The following CNOT4 variants were observed in gnomAD, a reference collection of about 807,000 sequenced individuals.
CNOT4 encodes the protein CCR4-associated factor 4.
Under a neutral mutation model 73.8 loss-of-function variants are expected in CNOT4, and 8 were observed. The observed-to-expected ratio is 0.11, with a 90% CI of 0.06 to 0.20. The LOEUF is 0.20. Among genes scored for constraint, CNOT4 ranks in the 10% least tolerant of loss-of-function variants. The pLI, the probability that CNOT4 is intolerant of heterozygous loss-of-function variation, is 1.00. For synonymous variants in CNOT4, 293 were observed against 321.1 expected (o/e 0.91, Z 0.94); for missense variants, 564 against 883.4 (o/e 0.64, Z 4.58).
intron 10 of CNOT4, among the ~76,000 whole-genome samples, chr7:135,369,224 T>TA (rs1795065176): frequency 6.6e-6 from 1 of 152,218 alleles, no homozygotes. Context: ...CATAGTGAGA[T>TA]AAAACACATG....
intron 1 of CNOT4, among the ~76,000 whole-genome samples, chr7:135,482,619 A>G (rs1020486909): frequency 8.6e-5 from 13 of 151,994 alleles, no homozygotes; most frequent in Non-Finnish European, 1.8e-4. Flanking sequence ...AGATATCACA[A>G]AAAAAGGAAA....
intron 10 of CNOT4, among the ~76,000 whole-genome samples, chr7:135,375,690 C>T (rs143656324): frequency 0.019 from 2,914 of 152,126 alleles, 96 homozygotes; most frequent in African/African-American, 0.066. Context: ...TTTGGGAGGC[C>T]GAGGCGGGAG....
chr7:135,452,885 G>A (rs1234805238), intron 1 of CNOT4, among the ~76,000 whole-genome samples: 1 of 152,114 alleles, frequency 6.6e-6, no homozygotes, highest in Non-Finnish European at 1.5e-5. Flanking sequence ...GTTATTAATA[G>A]GTAAAATCAA....
rs552603523 is a variant in CNOT4 at position 135,494,855 on chromosome 7, C to T, written c.-93+15034G>A. 2.6e-5 allele frequency among the ~76,000 whole-genome samples: 4 copies of T among 152,268 alleles called. No individual in the cohort carries two copies. The East Asian group carries it at 5.8e-4, about 22-fold the overall frequency. ...CTAAGACCTTTCCATTTAGTTTTTG[C>T]CACTAGTTTGCATTATTAAATTCTT... On this transcript the variant is annotated intron_variant, in intron 1 of 11. Coordinates refer to ENST00000541284, the MANE Select transcript of CNOT4 (RefSeq NM_001190850.2).
At chr7:135,471,733 A>G (rs893687392) in intron 1 of CNOT4, among the ~76,000 whole-genome samples, 2 of 152,210 alleles carry the variant, frequency 1.3e-5, no homozygotes, top group East Asian at 1.9e-4. Context: ...TGTATATACA[A>G]TGACTTGTAT....
intron 2 of CNOT4, among the ~76,000 whole-genome samples, chr7:135,432,985 A>G (rs1405719146): frequency 6.6e-6 from 1 of 152,214 alleles, no homozygotes; most frequent in African/African-American, 2.4e-5. Context: ...TTTCCAAATA[A>G]AAAAGTTTGT....
chr7:135,405,032 T>G (rs897927522), intron 7 of CNOT4, among the ~76,000 whole-genome samples: 4 of 152,162 alleles, frequency 2.6e-5, no homozygotes, highest in African/African-American at 9.7e-5. Flanking sequence ...TCTTAAGAAT[T>G]TTACCTCTTC....
intron 8 of CNOT4, among the ~76,000 whole-genome samples, chr7:135,396,105 C>T (rs1219606597): frequency 1.6e-5 from 2 of 121,876 alleles, no homozygotes; most frequent in African/African-American, 3.1e-5. Flanking sequence ...AAACTAGTCT[C>T]CCTTTTTTTT....
intron 10 of CNOT4, among the ~76,000 whole-genome samples, chr7:135,376,726 G>A (rs1795541014): frequency 6.6e-6 from 1 of 152,142 alleles, no homozygotes; most frequent in Non-Finnish European, 1.5e-5. Flanking sequence ...AGATCAGTCA[G>A]TCTTATCTTT....
intron 1 of CNOT4, among the ~76,000 whole-genome samples, chr7:135,455,414 TC>T (rs1395347957): frequency 6.6e-6 from 1 of 152,144 alleles, no homozygotes; most frequent in East Asian, 1.9e-4. Context: ...GTTTTACTAA[TC>T]TTGAAATTGC....
intron 10 of CNOT4, among the ~76,000 whole-genome samples, chr7:135,382,784 T>G (rs984232961): frequency 5.9e-5 from 9 of 152,192 alleles, no homozygotes; most frequent in Non-Finnish European, 1.0e-4. Flanking sequence ...AGAGATTATT[T>G]AAAATATACG....
intron 2 of CNOT4, among the ~76,000 whole-genome samples, chr7:135,424,069 ACACACACACACACACACACAC>A: frequency 6.6e-6 from 1 of 151,316 alleles, no homozygotes; most frequent in East Asian, 1.9e-4. Flanking sequence ...ACACACACAC[ACACACACACACACACACACAC>A]ATTTTTTATT....
chr7:135,480,906 T>C (rs866961523), intron 1 of CNOT4, among the ~76,000 whole-genome samples: 1 of 101,100 alleles, frequency 9.9e-6, no homozygotes, highest in Non-Finnish European at 2.1e-5. Flanking sequence ...AAAAAAAAAA[T>C]GAAACTGGAT....
chr7:135,422,724 T>G (rs1798259992), intron 2 of CNOT4, among the ~76,000 whole-genome samples: 2 of 152,094 alleles, frequency 1.3e-5, no homozygotes, highest in Non-Finnish European at 2.9e-5. Context: ...TAAATGTGGG[T>G]TTTACACATT....
intron 10 of CNOT4, among the ~76,000 whole-genome samples, chr7:135,367,786 T>C (rs1585539773): frequency 6.6e-6 from 1 of 152,100 alleles, no homozygotes; most frequent in East Asian, 1.9e-4. Flanking sequence ...CAGAAAGTAC[T>C]TTAAACTTAC....
At chr7:135,383,647 A>G (rs765181119) in intron 10 of CNOT4, among the ~76,000 whole-genome samples, 8 of 152,216 alleles carry the variant, frequency 5.3e-5, no homozygotes, top group Non-Finnish European at 1.2e-4. Context: ...AGACGGTTAC[A>G]AAAGACAAGC....
At chr7:135,494,523 C>T (rs1054939817) in intron 1 of CNOT4, among the ~76,000 whole-genome samples, 3 of 149,054 alleles carry the variant, frequency 2.0e-5, no homozygotes, top group Admixed American at 6.7e-5. Context: ...CACTTTTCTC[C>T]ATCCATCCTA....
At chr7:135,467,987 G>A (rs537597284) in intron 1 of CNOT4, among the ~76,000 whole-genome samples, 9 of 151,174 alleles carry the variant, frequency 6.0e-5, no homozygotes, top group Middle Eastern at 3.3e-3. Flanking sequence ...AGCTCGAGAC[G>A]GGCGGCTCAC....
intron 10 of CNOT4, among the ~76,000 whole-genome samples, chr7:135,389,157 C>CAA (rs11292254): frequency 0.031 from 2,569 of 83,612 alleles, 118 homozygotes; most frequent in African/African-American, 0.11. Context: ...AACATACTAC[C>CAA]AAAAAAAAAA....
Sources: gnomAD v4.1 joint callset for allele counts (sites outside exome capture counted in the v4.1 genomes callset) on GRCh38, gnomAD v4.1.1 for gene constraint, MANE v1.5 for transcripts, NCBI Gene and HGNC (gene_info 2026-07-23, HGNC 2026-07-21) for gene names.